The following GXYLT1 variants were observed in gnomAD, a reference collection of about 807,000 sequenced individuals.
The protein encoded by GXYLT1 is glycosyltransferase 8 domain containing 3.
A neutral mutation model predicts 54.0 loss-of-function variants in GXYLT1; 29 were observed. That is an observed-to-expected ratio of 0.54 (90% CI 0.40 to 0.73). The LOEUF (loss-of-function observed/expected upper bound fraction) is 0.73. Ranked by LOEUF, GXYLT1 falls within the 30% of genes least tolerant of loss-of-function variation. The pLI is 0.00. For missense variants in GXYLT1, 490 were observed against 553.4 expected, an observed-to-expected ratio of 0.89 and a Z score of 1.15; for synonymous variants, 176 against 204.1, an observed-to-expected ratio of 0.86 and a Z score of 1.17.
At chr12:42,122,938 A>C (rs1257264755) in intron 2 of GXYLT1, among the ~76,000 whole-genome samples, 1 of 152,220 alleles carries the variant, frequency 6.6e-6, no homozygotes, top group Non-Finnish European at 1.5e-5. Context: ...ATGCCCAAAG[A>C]AGAACACAAT....
rs139695917 is a variant in GXYLT1 at position 42,133,239 on chromosome 12, T to C, written c.222-3388A>G. 7.6e-3 allele frequency among the ~76,000 whole-genome samples: 1,156 copies of C among 152,098 alleles called. 3 individuals carry two copies. Among genetic ancestry groups the C allele is most frequent in the Non-Finnish European group, 0.012 (817 of 67,990 alleles). Reference sequence around the variant, plus strand: ...GTTTCAGTGAGCCAAGATCATTCCATTGCACTCCAGCATGGGTGACAGAGA... The same window carrying C: ...GTTTCAGTGAGCCAAGATCATTCCACTGCACTCCAGCATGGGTGACAGAGA... On this transcript the variant is annotated intron_variant, in intron 1 of 7. Transcript: ENST00000398675.
intron 1 of GXYLT1, 33 bp from the exon 2 acceptor site, chr12:42,129,884 G>T: frequency 7.0e-7 from 1 of 1,427,096 alleles, no homozygotes; most frequent in Non-Finnish European, 9.8e-7. Flanking sequence ...AGAGTCCTGT[G>T]TGAGTATTTT....
intron 1 of GXYLT1, among the ~76,000 whole-genome samples, chr12:42,141,771 CA>C (rs1221459426): frequency 6.6e-6 from 1 of 152,142 alleles, no homozygotes; most frequent in African/African-American, 2.4e-5. Context: ...AGTCTCACAG[CA>C]ACCAGAGCCA....
chr12:42,123,166 G>A (rs2065541605), intron 2 of GXYLT1, among the ~76,000 whole-genome samples: 1 of 152,168 alleles, frequency 6.6e-6, no homozygotes, highest in Admixed American at 6.5e-5. Flanking sequence ...CCTTGACTGG[G>A]TCCTGAATGG....
At chr12:42,116,573 A>C (rs1378257695) in intron 3 of GXYLT1, among the ~76,000 whole-genome samples, 5 of 152,204 alleles carry the variant, frequency 3.3e-5, no homozygotes, top group Admixed American at 6.5e-5. Flanking sequence ...CAAAACCACA[A>C]CGAGATACCA....
intron 2 of GXYLT1, among the ~76,000 whole-genome samples, chr12:42,122,769 C>A (rs1229098587): frequency 6.6e-6 from 1 of 152,064 alleles, no homozygotes. Flanking sequence ...CAAAAATAAT[C>A]AGTGGATGCT....
chr12:42,120,166 A>G (rs761130417), intron 2 of GXYLT1, among the ~76,000 whole-genome samples: 5 of 152,214 alleles, frequency 3.3e-5, no homozygotes, highest in Non-Finnish European at 5.9e-5. Flanking sequence ...TTCTTACTTC[A>G]TATGAAACCT....
chr12:42,087,110 ACTCT>A lies in GXYLT1; in HGVS notation c.*672_*675del, dbSNP rs1350945279. The stretch of plus-strand genomic sequence containing the variant: ...TACAAAATGAAACACTACATTTCTC[ACTCT>A]CTCTCACACACAAACACGCACACAC... On this transcript the variant is annotated 3_prime_UTR_variant, in exon 8 of 8. Coordinates refer to ENST00000398675, the MANE Select transcript of GXYLT1 (RefSeq NM_173601.2). 6.9e-6 allele frequency: 1 copy of A among 145,790 alleles called. No individual in the cohort carries two copies. The highest frequency in any genetic ancestry group is 2.5e-5 in the African/African-American group (1 of 39,846). The allele number at this position is 145,790 out of a possible 1,614,324, so 9.0% of individuals were successfully genotyped here.
rs186167272 is a variant in GXYLT1, at chr12:42,114,118, A to G, written c.487-4427T>C. On this transcript the variant is annotated intron_variant, in intron 3 of 7. Transcript: ENST00000398675. ...CACAACATACCAGAATCTCTGGGAC[A>G]CATTCAAAGCAGTGTGTAGAGGGAA... is the stretch of plus-strand genomic sequence containing the variant. 8.5e-5 allele frequency among the ~76,000 whole-genome samples: 13 copies of G among 152,352 alleles called. No homozygotes were observed. In the East Asian group the frequency reaches 2.3e-3, roughly 27 times the overall value.
intron 2 of GXYLT1, among the ~76,000 whole-genome samples, chr12:42,124,476 T>C (rs899996532): frequency 2.0e-5 from 3 of 151,978 alleles, no homozygotes; most frequent in Admixed American, 6.6e-5. Flanking sequence ...ATTCAATAGA[T>C]AACTATCAAT....
At chr12:42,100,033 C>T (rs995159490) in intron 5 of GXYLT1, among the ~76,000 whole-genome samples, 1 of 151,944 alleles carries the variant, frequency 6.6e-6, no homozygotes, top group Non-Finnish European at 1.5e-5. Flanking sequence ...GAATTTAGTG[C>T]TTTTTCAGAT....
intron 7 of GXYLT1, among the ~76,000 whole-genome samples, chr12:42,088,816 G>C (rs945442161): frequency 4.7e-5 from 7 of 148,436 alleles, no homozygotes; most frequent in Non-Finnish European, 7.4e-5. Context: ...AATCACAAAG[G>C]AAATTCAGAA....
chr12:42,137,270 A>T (rs1371069259), intron 1 of GXYLT1, among the ~76,000 whole-genome samples: 1 of 152,106 alleles, frequency 6.6e-6, no homozygotes, highest in East Asian at 1.9e-4. Context: ...GCACTTTGGG[A>T]GGCCGAGGCA....
chr12:42,125,148 A>G (rs1234509800), intron 2 of GXYLT1, among the ~76,000 whole-genome samples: 1 of 152,180 alleles, frequency 6.6e-6, no homozygotes, highest in Non-Finnish European at 1.5e-5. Context: ...TGATGAGTAC[A>G]ACGGTTAAGG....
intron 2 of GXYLT1, among the ~76,000 whole-genome samples, chr12:42,119,718 G>A (rs780344174): frequency 6.6e-6 from 1 of 152,020 alleles, no homozygotes; most frequent in Non-Finnish European, 1.5e-5. Context: ...TGACATGGGA[G>A]GATATTTTGA....
At chr12:42,126,482 C>G (rs1193588338) in intron 2 of GXYLT1, among the ~76,000 whole-genome samples, 1 of 152,162 alleles carries the variant, frequency 6.6e-6, no homozygotes, top group Non-Finnish European at 1.5e-5. Context: ...AAGCCAGGCA[C>G]AGTGGCTCAT....
chr12:42,110,801 AAAAT>A (rs1251800811), intron 3 of GXYLT1, among the ~76,000 whole-genome samples: 2 of 152,218 alleles, frequency 1.3e-5, no homozygotes, highest in Non-Finnish European at 2.9e-5. Context: ...TACCAACTTC[AAAAT>A]AAAATCTTAG....
At chr12:42,114,351 T>C (rs1451587475) in intron 3 of GXYLT1, among the ~76,000 whole-genome samples, 2 of 152,048 alleles carry the variant, frequency 1.3e-5, no homozygotes, top group East Asian at 1.9e-4. Flanking sequence ...GCTGGTTTTT[T>C]GAAAAGATCA....
chr12:42,138,310 CAAAT>C (rs757700618), intron 1 of GXYLT1, among the ~76,000 whole-genome samples: 225 of 152,198 alleles, frequency 1.5e-3, no homozygotes, highest in African/African-American at 3.8e-3. Context: ...AACAAACAAA[CAAAT>C]AAATAATTTC....
Sources: allele counts gnomAD v4.1 joint callset (sites outside exome capture counted in the v4.1 genomes callset), GRCh38; gene constraint gnomAD v4.1.1; transcripts MANE v1.5; gene names NCBI Gene and HGNC (gene_info 2026-07-23, HGNC 2026-07-21).